The following AZIN2 variants were observed in gnomAD, a reference collection of about 807,000 sequenced individuals.
AZIN2 encodes the protein antizyme inhibitor 2.
AZIN2 carries 28 observed loss-of-function variants against 47.8 expected under a neutral mutation model. The observed-to-expected ratio is 0.59, with a 90% CI of 0.43 to 0.80. The LOEUF is 0.80. AZIN2 is among the 30% of genes least tolerant of loss of function. AZIN2 has a pLI of 0.00. For synonymous variants in AZIN2, 221 were observed against 239.4 expected, an observed-to-expected ratio of 0.92 and a Z score of 0.71; for missense variants, 535 against 582.5, an observed-to-expected ratio of 0.92 and a Z score of 0.84.
chr1:33,154,822 G>A, the AZIN2 span, among the ~76,000 whole-genome samples: 3 of 148,910 alleles, frequency 2.0e-5, no homozygotes, highest in South Asian at 2.1e-4. Context: ...GGCCAGGCGC[G>A]GTGATTCACG....
intron 5 of AZIN2, 130 bp downstream of exon 5, chr1:33,084,257 C>T: frequency 9.7e-7 from 1 of 1,034,296 alleles, no homozygotes; most frequent in Non-Finnish European, 1.4e-6. Flanking sequence ...GAAGACCACC[C>T]ACTCAGGAGG....
At chr1:33,101,754 T>C in intron 10 of AZIN2, 1 of 699,394 alleles carries the variant, frequency 1.4e-6, no homozygotes, top group Non-Finnish European at 2.6e-6. Flanking sequence ...TTATAATTTA[T>C]TATATTTGTT....
the AZIN2 span, among the ~76,000 whole-genome samples, chr1:33,128,509 G>A: frequency 3.4e-4 from 52 of 152,336 alleles, 1 homozygote; most frequent in South Asian, 0.01. Context: ...AACTTGTCTA[G>A]AACAGATAGC....
downstream of AZIN2, among the ~76,000 whole-genome samples, chr1:33,125,354 T>C (rs1278949700): frequency 6.6e-6 from 1 of 152,226 alleles, no homozygotes; most frequent in African/African-American, 2.4e-5. Context: ...TCAGTTGATT[T>C]CCGCTGCGAT....
intron 10 of AZIN2, among the ~76,000 whole-genome samples, chr1:33,116,644 T>C (rs1404594272): frequency 6.6e-6 from 1 of 152,242 alleles, no homozygotes; most frequent in Non-Finnish European, 1.5e-5. Context: ...ATGGAATTTA[T>C]AGTCTTCAGG....
At chr1:33,123,849 T>C (rs1437678251), downstream of AZIN2, among the ~76,000 whole-genome samples, 2 of 152,098 alleles carry the variant, frequency 1.3e-5, no homozygotes, top group Admixed American at 6.5e-5. Flanking sequence ...ATACAAAAAA[T>C]TAGCTGGGTG....
the AZIN2 span, among the ~76,000 whole-genome samples, chr1:33,152,874 GAAGGCAGGAGC>G: frequency 6.6e-6 from 1 of 152,312 alleles, no homozygotes; most frequent in African/African-American, 2.4e-5. Context: ...AGGATGGGGA[GAAGGCAGGAGC>G]AAGGCAGGCT....
the AZIN2 span, among the ~76,000 whole-genome samples, chr1:33,159,029 G>T: frequency 6.6e-6 from 1 of 151,824 alleles, no homozygotes; most frequent in East Asian, 1.9e-4. The surrounding 1 kb of genome is among the most constrained non-coding windows in gnomAD (Gnocchi z 4.2). Flanking sequence ...TTTTTTAGTA[G>T]AGACGGGGTT....
At chr1:33,087,798 C>T (rs574459847) in intron 5 of AZIN2, among the ~76,000 whole-genome samples, 148 of 152,062 alleles carry the variant, frequency 9.7e-4, no homozygotes, top group Non-Finnish European at 1.8e-3. Context: ...CTTTTAAAGG[C>T]TTCAGAAGTG....
the AZIN2 span, chr1:33,147,853 G>C: frequency 5.6e-6 from 6 of 1,066,494 alleles, no homozygotes; most frequent in Non-Finnish European, 8.0e-6. This position sits in a 1 kb window ranked among gnomAD's most constrained non-coding sequence, Gnocchi z 8.1. Flanking sequence ...GTGTGACCTT[G>C]AATACAAGTC....
chr1:33,089,582 G>T (rs1642307602), intron 5 of AZIN2, among the ~76,000 whole-genome samples: 1 of 152,180 alleles, frequency 6.6e-6, no homozygotes, highest in Admixed American at 6.5e-5. Flanking sequence ...CTCAGATTCG[G>T]GGTAGGCCAC....
At chr1:33,148,474 C>T in the AZIN2 span, among the ~76,000 whole-genome samples, 1 of 152,128 alleles carries the variant, frequency 6.6e-6, no homozygotes, top group South Asian at 2.1e-4. Context: ...TCCCTAAGGG[C>T]AACACCACTG....
At chr1:33,082,031 T>C (rs1641319073) in intron 3 of AZIN2, 147 bp from the exon 4 acceptor site, 2 of 566,840 alleles carry the variant, frequency 3.5e-6, no homozygotes, top group Non-Finnish European at 6.3e-6. Flanking sequence ...AATCCGGGAT[T>C]CTTGACTTTC....
rs774373098 is a variant in AZIN2 at position 33,094,713 on chromosome 1, G to C, written c.753G>C (p.Glu251Asp). ...GTEGAKVRFE[E>D]IASVINSALD... The stretch of plus-strand genomic sequence containing the variant: ...AAGGGGCCAAAGTGAGATTTGAAGA[G>C]GTAACCCTGGAGCTGGGAGTGTCAT... Residue 251 changes from glutamate to aspartate, a missense_variant and splice_region_variant, in exon 8 of 12, where the codon GAG becomes GAC. Physicochemically the swap from Glu to Asp is conservative, Grantham distance 45. Around this residue, in one of 3 missense-constraint regions of AZIN2, gnomAD observed 409 missense variants for 429.0 expected, o/e 0.95. Coordinates refer to ENST00000294517, the MANE Select transcript of AZIN2 (RefSeq NM_052998.4). The C allele has an allele frequency of 6.2e-7, 1 of 1,614,044 alleles. No homozygotes were observed. Among genetic ancestry groups the C allele is most frequent in the Admixed American group, 1.7e-5 (1 of 60,014 alleles).
chr1:33,164,281 T>C, the AZIN2 span: 10 of 152,286 alleles, frequency 6.6e-5, no homozygotes, highest in Middle Eastern at 3.2e-3. Flanking sequence ...GGGTTTCCAA[T>C]GGTGTCTTCA....
the AZIN2 span, among the ~76,000 whole-genome samples, chr1:33,144,361 C>T: frequency 6.6e-6 from 1 of 152,222 alleles, no homozygotes; most frequent in South Asian, 2.1e-4. Flanking sequence ...CGGTTTTGAA[C>T]TCCCAACCTC....
At chr1:33,092,326 A>G (rs114025113) in intron 6 of AZIN2, 104 bp downstream of exon 6, 4,111 of 314,572 alleles carry the variant, frequency 0.013, 174 homozygotes, top group African/African-American at 0.12. Context: ...GGGCTGAGGG[A>G]AGGCTGGGCT....
In AZIN2 at chr1:33,120,421, A is replaced by G; in HGVS notation, c.*239A>G. Reference sequence around the variant, plus strand: ...CTGTGTCTGCCTCCTCTGCAGTGCAAGGGGCCTGGTCAGCCAGGTGTGGGG... The same window carrying G: ...CTGTGTCTGCCTCCTCTGCAGTGCAGGGGGCCTGGTCAGCCAGGTGTGGGG... On this transcript the variant is annotated 3_prime_UTR_variant, in exon 12 of 12. Transcript: ENST00000294517. 1 of 546,926 alleles carries G rather than the reference A, an allele frequency of 1.8e-6. No individual in the cohort carries two copies. The highest frequency in any genetic ancestry group is 3.1e-6 in the Non-Finnish European group (1 of 326,458). The allele number at this position is 546,926 out of a possible 1,614,324, so 33.9% of individuals were successfully genotyped here.
At chr1:33,129,084 G>GT in the AZIN2 span, among the ~76,000 whole-genome samples, 1 of 152,178 alleles carries the variant, frequency 6.6e-6, no homozygotes, top group African/African-American at 2.4e-5. This position sits in a 1 kb window ranked among gnomAD's most constrained non-coding sequence, Gnocchi z 4.1. Context: ...GGGCACTGGC[G>GT]TGTACAAGGG....
Sources: allele counts gnomAD v4.1 joint callset (sites outside exome capture counted in the v4.1 genomes callset), GRCh38; gene constraint gnomAD v4.1.1; regional missense constraint gnomAD v4.1.1; non-coding constraint Gnocchi (gnomAD v3.1); transcripts MANE v1.5; gene names NCBI Gene and HGNC (gene_info 2026-07-23, HGNC 2026-07-21).